PKP4: variants seen among roughly 807,000 people sequenced by gnomAD.
PKP4 encodes plakophilin-4.
In PKP4, 90 loss-of-function variants were observed where a neutral mutation model predicts 145.1. The observed-to-expected ratio is 0.62, with a 90% CI of 0.52 to 0.74. PKP4 has a LOEUF of 0.74. Among genes scored for constraint, PKP4 ranks in the 30% least tolerant of loss-of-function variants. PKP4 has a pLI of 0.00. For synonymous variants in PKP4, 563 were observed against 577.2 expected, an observed-to-expected ratio of 0.98 and a Z score of 0.35; for missense variants, 1,340 against 1,482.7, an observed-to-expected ratio of 0.90 and a Z score of 1.58.
chr2:158,550,703 C>T (rs2045547194), intron 2 of PKP4, among the ~76,000 whole-genome samples: 2 of 152,204 alleles, frequency 1.3e-5, no homozygotes, highest in African/African-American at 4.8e-5. Context: ...CAGTGAGAAA[C>T]AGTGTTTGAA....
chr2:158,662,823 G>T, intron 13 of PKP4, 74 bp from the exon 14 acceptor site: 3 of 1,134,944 alleles, frequency 2.6e-6, no homozygotes, highest in South Asian at 1.7e-5. Context: ...TTTCCTGTCT[G>T]TAGTGTTCAG....
At chr2:158,562,936 C>T (rs1285877257) in intron 2 of PKP4, among the ~76,000 whole-genome samples, 1 of 152,024 alleles carries the variant, frequency 6.6e-6, no homozygotes, top group Non-Finnish European at 1.5e-5. Flanking sequence ...GTTGCTCTTT[C>T]CTTCCTTACT....
chr2:158,473,035 T>C (rs1348726137), intron 1 of PKP4, among the ~76,000 whole-genome samples: 2 of 152,182 alleles, frequency 1.3e-5, no homozygotes, highest in African/African-American at 4.8e-5. Context: ...GACATCCATG[T>C]GGTCAACAAG....
chr2:158,558,359 G>C (rs1052784782), intron 2 of PKP4, among the ~76,000 whole-genome samples: 22 of 152,110 alleles, frequency 1.4e-4, no homozygotes, highest in African/African-American at 5.3e-4. Flanking sequence ...ATTTACAAGA[G>C]GTGGGGAAGG....
intron 1 of PKP4, among the ~76,000 whole-genome samples, chr2:158,514,615 T>C (rs1187291294): frequency 6.6e-6 from 1 of 152,222 alleles, no homozygotes; most frequent in Non-Finnish European, 1.5e-5. Flanking sequence ...CAAGAGGTTT[T>C]TTTTCTTTTA....
At chr2:158,523,087 T>C (rs1574267770) in intron 1 of PKP4, among the ~76,000 whole-genome samples, 1 of 152,082 alleles carries the variant, frequency 6.6e-6, no homozygotes, top group African/African-American at 2.4e-5. Flanking sequence ...CTTGCTTAGG[T>C]AAACAAAGCA....
intron 1 of PKP4, among the ~76,000 whole-genome samples, chr2:158,519,936 TCTC>T (rs1400043124): frequency 6.6e-6 from 1 of 152,012 alleles, no homozygotes; most frequent in Non-Finnish European, 1.5e-5. Flanking sequence ...TTTCATTTCG[TCTC>T]CTCCTAGCAT....
At chr2:158,566,982 T>C (rs1173691745) in intron 2 of PKP4, among the ~76,000 whole-genome samples, 2 of 152,234 alleles carry the variant, frequency 1.3e-5, no homozygotes, top group Non-Finnish European at 2.9e-5. Flanking sequence ...ATGCTAAGGC[T>C]GGAAACTCCT....
intron 11 of PKP4, among the ~76,000 whole-genome samples, chr2:158,652,764 T>A (rs1047794606): frequency 6.6e-6 from 1 of 152,122 alleles, no homozygotes; most frequent in African/African-American, 2.4e-5. Flanking sequence ...TAAGGAGCAG[T>A]GTTCCCCAGA....
chr2:158,584,319 G>A (rs1237627606), intron 3 of PKP4, among the ~76,000 whole-genome samples: 2 of 152,230 alleles, frequency 1.3e-5, no homozygotes, highest in Non-Finnish European at 2.9e-5. Context: ...GAATTCCCAA[G>A]TGCTGAATAC....
chr2:158,619,306 C>G (rs1220136690), intron 4 of PKP4, among the ~76,000 whole-genome samples: 1 of 152,204 alleles, frequency 6.6e-6, no homozygotes, highest in Non-Finnish European at 1.5e-5. Context: ...ACCAGGGAAA[C>G]CATATACAAT....
At chr2:158,594,204 A>C (rs1574676419) in intron 3 of PKP4, among the ~76,000 whole-genome samples, 1 of 152,128 alleles carries the variant, frequency 6.6e-6, no homozygotes, top group Admixed American at 6.5e-5. Flanking sequence ...GTGGAAGGCA[A>C]CTCAAGCCTC....
chr2:158,625,060 C>G lies in PKP4; in HGVS notation c.786C>G (p.Ser262=). The G allele has an allele frequency of 6.2e-7, 1 of 1,614,186 alleles. No homozygotes were observed. Among genetic ancestry groups the G allele is most frequent in the Non-Finnish European group, 8.5e-7 (1 of 1,180,032 alleles). The change falls in exon 7 of 22, where the codon TCC becomes TCG. Residue 262 remains serine, a synonymous_variant. Transcript: ENST00000389759. ...GACCTCTGAACCCCAGTGCATATTC[C>G]TCCACCACATTACCTGCTGCACGGG... The part of the protein sequence containing the change: ...DPRPLNPSAY[S]STTLPAARAA...
intron 11 of PKP4, among the ~76,000 whole-genome samples, chr2:158,643,408 G>A (rs2054492938): frequency 6.6e-6 from 1 of 152,110 alleles, no homozygotes; most frequent in Admixed American, 6.6e-5. Flanking sequence ...AGAGGGGGCT[G>A]CTGTGTTAAA....
chr2:158,459,277 T>C (rs1310373691), intron 1 of PKP4, among the ~76,000 whole-genome samples: 1 of 152,220 alleles, frequency 6.6e-6, no homozygotes, highest in Non-Finnish European at 1.5e-5. Context: ...ATATGTGTGT[T>C]TTTATTTGAC....
chr2:158,530,558 T>C (rs2043442258), intron 1 of PKP4, among the ~76,000 whole-genome samples: 1 of 150,100 alleles, frequency 6.7e-6, no homozygotes, highest in African/African-American at 2.5e-5. Context: ...ATCATTATTC[T>C]GTGACTCCAG....
chr2:158,497,939 TGG>T (rs1695979308), intron 1 of PKP4, among the ~76,000 whole-genome samples: 1 of 152,058 alleles, frequency 6.6e-6, no homozygotes, highest in African/African-American at 2.4e-5. Flanking sequence ...AAGTGTAGGG[TGG>T]GACACAGGTG....
chr2:158,484,202 C>T (rs1040729543), intron 1 of PKP4, among the ~76,000 whole-genome samples: 2 of 152,038 alleles, frequency 1.3e-5, no homozygotes, highest in East Asian at 1.9e-4. Flanking sequence ...CGCCCGCCAC[C>T]GCGCCCGGCT....
rs774822523 is a variant in PKP4 at position 158,634,292 on chromosome 2, G to A, written c.1562+3G>A. On this transcript the variant is annotated splice_donor_region_variant and intron_variant, in intron 9 of 21. Coordinates refer to ENST00000389759, the MANE Select transcript of PKP4 (RefSeq NM_003628.6). ...GACAGCATTCAGAAGGACCCCAGGC[G>A]AGTACCAGTTAGGAGTCTCTAGAAG... The A allele has an allele frequency of 8.1e-6, 13 of 1,612,618 alleles. No individual in the cohort carries two copies. Among genetic ancestry groups the A allele is most frequent in the South Asian group, 7.7e-5 (7 of 91,046 alleles).
Sources: gnomAD v4.1 joint callset for allele counts (sites outside exome capture counted in the v4.1 genomes callset) on GRCh38, gnomAD v4.1.1 for gene constraint, MANE v1.5 for transcripts, NCBI Gene and HGNC (gene_info 2026-07-23, HGNC 2026-07-21) for gene names.